Variants in TONSL observed in about 807,000 individuals in gnomAD.
TONSL encodes the protein tonsoku-like protein.
A neutral mutation model predicts 147.1 loss-of-function variants in TONSL; 112 were observed. The observed-to-expected ratio is 0.76, with a 90% CI of 0.65 to 0.89. The LOEUF (loss-of-function observed/expected upper bound fraction) is 0.89, where lower values mean the gene tolerates loss of function less well. TONSL is among the 40% of genes least tolerant of loss of function. TONSL has a pLI of 0.00. For synonymous variants in TONSL, 868 were observed against 801.5 expected (o/e 1.08, Z -1.40); for missense variants, 1,883 against 1,864.6 (o/e 1.01, Z -0.18).
chr8:144,438,530 G>C lies in TONSL; in HGVS notation c.1594C>G (p.Leu532Val). 6.2e-7 allele frequency: 1 copy of C among 1,613,178 alleles called. No individual in the cohort carries two copies. ...CCCTCGATGCAGGCTCGGTGCAGCA[G>C]GGTCTCCCCCATGTCGTTTCGCCGG... ...WNRRNDMGET[L>V]LHRACIEGQL... Residue 532 changes from leucine to valine, a missense_variant, in exon 13 of 26, where the codon CTG (leucine) becomes GTG (valine). Transcript: ENST00000409379.
chr8:144,432,182 G>A (rs1430427390), intron 23 of TONSL, 103 bp downstream of exon 23: 2 of 1,289,114 alleles, frequency 1.6e-6, no homozygotes, highest in East Asian at 2.4e-5. Context: ...GAGCCCCTCA[G>A]CGAGTTCAGC....
chr8:144,441,875 G>T, intron 7 of TONSL, 162 bp downstream of exon 7: 4 of 598,428 alleles, frequency 6.7e-6, no homozygotes, highest in Non-Finnish European at 1.2e-5. Context: ...CAGGAAGTAG[G>T]GGTACCTGCC....
rs1225216149 is a variant in TONSL, at chr8:144,435,677, G to C, written c.2756C>G (p.Ser919Cys). Residue 919 changes from serine (S) to cysteine (C), a missense_variant, in exon 17 of 26, where the codon TCT becomes TGT. Physicochemically the swap from Ser to Cys is moderately radical, Grantham distance 112. Coordinates refer to ENST00000409379, the MANE Select transcript of TONSL (RefSeq NM_013432.5). ...ACCCACCAAGGGCTGGCCTGCCGCA[G>C]AGCTGTCCCCACTGGGCTCTGAGAC... ...PRVSEPSGDS[S>C]AAGQPLGPAP... is the part of the protein sequence containing the mutation. 1.6e-5 allele frequency: 26 copies of C among 1,606,290 alleles called. No homozygotes were observed. The highest frequency in any genetic ancestry group is 2.7e-5 in the African/African-American group (2 of 74,902).
In TONSL at chr8:144,433,756, A is replaced by G; in HGVS notation, c.3391T>C (p.Leu1131=). ...TTCATGCTTAAGTCCAGCTCCTCCA[A>G]ACTCTGTGGAAGACACAGGCTGGCA... The part of the protein sequence containing the change: ...GLPGQATLQS[L]EELDLSMNPL... Residue 1131 remains leucine (L), a synonymous_variant, in exon 22 of 26, where the codon TTG becomes CTG. Coordinates refer to ENST00000409379, the MANE Select transcript of TONSL (RefSeq NM_013432.5). 1 of 1,573,078 alleles carries G rather than the reference A, an allele frequency of 6.4e-7. No homozygotes were observed. The highest frequency in any genetic ancestry group is 8.6e-7 in the Non-Finnish European group (1 of 1,160,358).
Position 144,440,042 on chromosome 8 carries a change from C to A in TONSL, c.1459G>T (p.Glu487Ter), listed in dbSNP as rs563710728. ...TAESEALEAG[E>*]VELSEGEDDT... Reference sequence around the variant, plus strand: ...TCACCGCCCTCTGAGAGCTCCACCTCGCCGGCCTCCAGGGCTTCGCTCTCC... The same window carrying A: ...TCACCGCCCTCTGAGAGCTCCACCTAGCCGGCCTCCAGGGCTTCGCTCTCC... The change falls in exon 11 of 26, where the codon GAG becomes TAG. Residue 487 changes from glutamate (E) to a stop codon, truncating the protein, a stop_gained. Coordinates refer to ENST00000409379, the MANE Select transcript of TONSL (RefSeq NM_013432.5). LOFTEE classifies it high-confidence loss of function. 1 of 1,419,700 alleles carries A rather than the reference C, an allele frequency of 7.0e-7. No homozygotes were observed. Among genetic ancestry groups the A allele is most frequent in the South Asian group, 1.1e-5 (1 of 87,130 alleles). The allele number at this position is 1,419,700 out of a possible 1,614,324, so 87.9% of individuals were successfully genotyped here.
chr8:144,429,273 T>A lies in TONSL; in HGVS notation c.4007A>T (p.Glu1336Val). ...LWDKIAAQLR[E>V]LQLCSRRLCA... ...GAGGCGTCTGCTGCACAGCTGCAGT[T>A]CCCGGAGCTGCGCGGCTATCTTGTC... Residue 1336 changes from glutamate (E) to valine (V), a missense_variant, in exon 26 of 26, where the codon GAA becomes GTA. By Grantham distance (121) the Glu-to-Val change is moderately radical (BLOSUM62 -2). Coordinates refer to ENST00000409379, the MANE Select transcript of TONSL (RefSeq NM_013432.5). 2 of 1,517,662 alleles carry A rather than the reference T, an allele frequency of 1.3e-6. No individual in the cohort carries two copies. Among genetic ancestry groups the A allele is most frequent in the Non-Finnish European group, 1.8e-6 (2 of 1,131,238 alleles). The allele number at this position is 1,517,662 out of a possible 1,614,324, so 94.0% of individuals were successfully genotyped here. A position where few individuals can be genotyped will look rare whatever the true frequency, so the allele number is the denominator to read the frequency against.
In TONSL at chr8:144,440,067, C is replaced by T. The variant is rs775498388; in HGVS notation, c.1434G>A (p.Ala478=). Residue 478 remains alanine, a synonymous_variant, in exon 11 of 26, where the codon GCG becomes GCA. Coordinates refer to ENST00000409379, the MANE Select transcript of TONSL (RefSeq NM_013432.5). ...EEEAEEAAAT[A]ESEALEAGEV... is the part of the protein sequence containing the mutation. ...CGCCGGCCTCCAGGGCTTCGCTCTCCGCTGTGGCTGCCGCCTCCTCCGCCT... is the reference window on the plus strand; with the variant it reads ...CGCCGGCCTCCAGGGCTTCGCTCTCTGCTGTGGCTGCCGCCTCCTCCGCCT... The T allele has an allele frequency of 1.6e-5, 25 of 1,578,468 alleles. No homozygotes were observed. Among genetic ancestry groups the T allele is most frequent in the Admixed American group, 3.4e-5 (2 of 59,610 alleles).
At chr8:144,439,107 G>A (rs536812639) in intron 11 of TONSL, among the ~76,000 whole-genome samples, 5 of 151,862 alleles carry the variant, frequency 3.3e-5, no homozygotes, top group South Asian at 2.1e-4. Context: ...TCCACCCCAC[G>A]CCTTATCCAC....
At position 144,436,783 on chromosome 8, in the gene TONSL, C is replaced by T; in HGVS notation, c.1864G>A (p.Ala622Thr). ...EVAELLLERG[A>T]SVTLRTRKGL... ...TTTCGAGTGCGGAGGGTGACGGACGCCCCCCGTTCAAGCAGCAGCTCAGCC... is the reference window on the plus strand; with the variant it reads ...TTTCGAGTGCGGAGGGTGACGGACGTCCCCCGTTCAAGCAGCAGCTCAGCC... The change falls in exon 15 of 26, where the codon GCG becomes ACG. Residue 622 changes from alanine to threonine, a missense_variant. By Grantham distance (58) the Ala-to-Thr change is moderately conservative. Coordinates refer to ENST00000409379, the MANE Select transcript of TONSL (RefSeq NM_013432.5). 2 of 1,611,096 alleles carry T rather than the reference C, an allele frequency of 1.2e-6. No homozygotes were observed. The highest frequency in any genetic ancestry group is 1.1e-5 in the South Asian group (1 of 91,046).
intron 22 of TONSL, chr8:144,433,367 C>T (rs1371705621): frequency 1.6e-5 from 8 of 508,778 alleles, no homozygotes; most frequent in South Asian, 2.4e-5. Context: ...TGAGCCACTG[C>T]GCCCGGCCTA....
intron 13 of TONSL, chr8:144,438,269 C>A: frequency 4.9e-6 from 3 of 608,086 alleles, no homozygotes; most frequent in Non-Finnish European, 8.8e-6. Flanking sequence ...GTGGCATGAT[C>A]GCGACTCCTG....
rs540782826 is a variant in TONSL at position 144,442,598 on chromosome 8, T to G, written c.578+79A>C. 8 of 1,551,976 alleles carry G rather than the reference T, an allele frequency of 5.2e-6. No homozygotes were observed. The African/African-American group carries it at 9.5e-5, about 18-fold the overall frequency. On this transcript the variant is annotated intron_variant, in intron 5 of 25. Coordinates refer to ENST00000409379, the MANE Select transcript of TONSL (RefSeq NM_013432.5). ...AGCCAGACTGCTCTCTCAGGAGGACTCTGGGAAAAATACTCCCCTAACTAC... is the reference window on the plus strand; with the variant it reads ...AGCCAGACTGCTCTCTCAGGAGGACGCTGGGAAAAATACTCCCCTAACTAC...
chr8:144,442,650 C>T lies in TONSL; in HGVS notation c.578+27G>A, dbSNP rs776701487. 9.4e-6 allele frequency: 15 copies of T among 1,602,916 alleles called. No homozygotes were observed. The Admixed American group carries it at 1.5e-4, about 16-fold the overall frequency. On this transcript the variant is annotated intron_variant, in intron 5 of 25. Coordinates refer to ENST00000409379, the MANE Select transcript of TONSL (RefSeq NM_013432.5). ...TCCTCCAGGAACAAGGGACTCCACT[C>T]CCTCCTGGGGCGGGGCAGGGCCTTA...
intron 22 of TONSL, chr8:144,432,712 T>A: frequency 2.4e-6 from 1 of 408,358 alleles, no homozygotes. Flanking sequence ...CACACGGTCC[T>A]GGGCCACATG....
Position 144,436,430 on chromosome 8 carries a change from A to G in TONSL, c.2015-12T>C, listed in dbSNP as rs1344276708. ...GGAGCTGTGGGGATCTGTGGGAGAG[A>G]GAATGCGTGTTGAGGCAGGGGCCCG... On this transcript the variant is annotated splice_polypyrimidine_tract_variant and intron_variant, in intron 16 of 25. Transcript: ENST00000409379. 1.3e-6 allele frequency: 2 copies of G among 1,521,400 alleles called. No homozygotes were observed. The highest frequency in any genetic ancestry group is 1.8e-6 in the Non-Finnish European group (2 of 1,139,244). The allele number at this position is 1,521,400 out of a possible 1,614,324, so 94.2% of individuals were successfully genotyped here.
intron 24 of TONSL, 72 bp downstream of exon 24, chr8:144,431,006 C>A (rs1554878529): frequency 5.3e-5 from 82 of 1,540,380 alleles, no homozygotes; most frequent in Non-Finnish European, 7.2e-5. Flanking sequence ...ATTTCTGTGG[C>A]CCTTCTCCCA....
Position 144,429,078 on chromosome 8 carries a change from C to T in TONSL, c.*65G>A. ...TGTTGGGATTACAGGCGTGAGCCACCGCGCCCGGCCAGCAGCTTCATTTAT... is the reference window on the plus strand; with the variant it reads ...TGTTGGGATTACAGGCGTGAGCCACTGCGCCCGGCCAGCAGCTTCATTTAT... On this transcript the variant is annotated 3_prime_UTR_variant, in exon 26 of 26. Transcript: ENST00000409379. 2.1e-6 allele frequency: 3 copies of T among 1,446,222 alleles called. No individual in the cohort carries two copies. Among genetic ancestry groups the T allele is most frequent in the South Asian group, 1.4e-5 (1 of 72,846 alleles). 89.6% of individuals were successfully genotyped at this position (1,446,222 alleles called of 1,614,324 possible). A position where few individuals can be genotyped will look rare whatever the true frequency, so the allele number is the denominator to read the frequency against.
rs1275150702 is a variant in TONSL at position 144,436,057 on chromosome 8, G to C, written c.2376C>G (p.Tyr792Ter). 4 of 1,574,236 alleles carry C rather than the reference G, an allele frequency of 2.5e-6. No individual in the cohort carries two copies. The highest frequency in any genetic ancestry group is 1.1e-5 in the South Asian group (1 of 88,470). ...AATASTSRAA[Y>*]QAAIRGVGSA... ...TGCCCACACCCCGGATGGCTGCCTGGTAGGCTGCCCGGCTGGTGCTGGCTG... is the reference window on the plus strand; with the variant it reads ...TGCCCACACCCCGGATGGCTGCCTGCTAGGCTGCCCGGCTGGTGCTGGCTG... The change falls in exon 17 of 26, where the codon TAC (tyrosine) becomes TAG (stop). Residue 792 changes from tyrosine (Y) to a stop codon, truncating the protein, a stop_gained. Coordinates refer to ENST00000409379, the MANE Select transcript of TONSL (RefSeq NM_013432.5). LOFTEE classifies it high-confidence loss of function.
rs991045148 is a variant in TONSL, at chr8:144,436,747, C to T, written c.1890+10G>A. On this transcript the variant is annotated intron_variant, in intron 15 of 25. Coordinates refer to ENST00000409379, the MANE Select transcript of TONSL (RefSeq NM_013432.5). ...AACCTCGCCCTTGCCCTCTGCCCCA[C>T]CAGGCTCACCTTTCGAGTGCGGAGG... The T allele has an allele frequency of 2.5e-6, 4 of 1,610,502 alleles. No individual in the cohort carries two copies. In the Admixed American group the frequency reaches 6.7e-5, roughly 27 times the overall value.
Sources: gnomAD v4.1 joint callset for allele counts (sites outside exome capture counted in the v4.1 genomes callset) on GRCh38, gnomAD v4.1.1 for gene constraint, MANE v1.5 for transcripts, NCBI Gene and HGNC (gene_info 2026-07-23, HGNC 2026-07-21) for gene names.